Variants in SGCZ observed in about 807,000 individuals in gnomAD.
SGCZ encodes zeta-sarcoglycan.
SGCZ carries 40 observed loss-of-function variants against 41.3 expected under a neutral mutation model. The observed-to-expected ratio is 0.97, with a 90% CI of 0.75 to 1.26. The LOEUF (loss-of-function observed/expected upper bound fraction) is 1.26, where lower values mean the gene tolerates loss of function less well. Among genes scored for constraint, SGCZ ranks in the 50% most tolerant of loss-of-function variants. The pLI is 0.00. For synonymous variants in SGCZ, 206 were observed against 137.5 expected (o/e 1.50, Z -3.49); for missense variants, 552 against 369.8 (o/e 1.49, Z -4.04).
chr8:14,733,166 C>T (rs951619659), intron 1 of SGCZ, among the ~76,000 whole-genome samples: 1 of 152,114 alleles, frequency 6.6e-6, no homozygotes, highest in African/African-American at 2.4e-5. Flanking sequence ...CACTTTGAGC[C>T]ACTGCCCACC....
chr8:14,626,922 T>C (rs555566988), intron 1 of SGCZ, among the ~76,000 whole-genome samples: 90 of 152,268 alleles, frequency 5.9e-4, no homozygotes, highest in Middle Eastern at 6.8e-3. Flanking sequence ...TAGGTTGAGA[T>C]AGCACGATTT....
chr8:14,769,793 TAAAAAAAAAA>T (rs565416806), intron 1 of SGCZ, among the ~76,000 whole-genome samples: 17 of 52,204 alleles, frequency 3.3e-4, no homozygotes, highest in African/African-American at 2.1e-3. Context: ...AAAACACCAT[TAAAAAAAAAA>T]AAAAAAAAAA....
chr8:14,598,294 A>G (rs68194488), intron 1 of SGCZ, among the ~76,000 whole-genome samples: 20,900 of 151,970 alleles, frequency 0.14, 1,701 homozygotes, highest in South Asian at 0.2. Flanking sequence ...TTTGAATTTA[A>G]TGTTTTCTTG....
intron 1 of SGCZ, among the ~76,000 whole-genome samples, chr8:14,887,192 T>C (rs920904529): frequency 6.6e-6 from 1 of 152,166 alleles, no homozygotes; most frequent in Non-Finnish European, 1.5e-5. Flanking sequence ...TCACTGGAGA[T>C]ATAAATTTTA....
intron 5 of SGCZ, among the ~76,000 whole-genome samples, chr8:14,156,922 T>C (rs1005539987): frequency 8.5e-5 from 13 of 152,200 alleles, no homozygotes; most frequent in Admixed American, 3.3e-4. Context: ...GAGGATGTTC[T>C]CCAGTTAACT....
Position 14,115,522 on chromosome 8 carries a change from AT to A in SGCZ, c.548-7288del, listed in dbSNP as rs1802496529. On this transcript the variant is annotated intron_variant, in intron 5 of 7. Coordinates refer to ENST00000382080, the MANE Select transcript of SGCZ (RefSeq NM_139167.4). ...TAAATTATCTTTTTACCACCTTTAC[AT>A]AAAGTCTAGATAAGCTTTCAACGTA... 4.6e-5 allele frequency among the ~76,000 whole-genome samples: 7 copies of A among 152,142 alleles called. No homozygotes were observed. The South Asian group carries it at 1.4e-3, about 31-fold the overall frequency.
At chr8:14,647,932 C>A (rs1807276190) in intron 1 of SGCZ, among the ~76,000 whole-genome samples, 1 of 151,982 alleles carries the variant, frequency 6.6e-6, no homozygotes, top group Non-Finnish European at 1.5e-5. Flanking sequence ...CCTCCACTAT[C>A]TGGGGAGACA....
intron 2 of SGCZ, among the ~76,000 whole-genome samples, chr8:14,549,121 G>C (rs1563402447): frequency 6.6e-6 from 1 of 151,844 alleles, no homozygotes; most frequent in Non-Finnish European, 1.5e-5. Context: ...GAGTAGTATG[G>C]AAAATAGCGA....
At position 14,594,209 on chromosome 8, in the gene SGCZ, T is replaced by C. The variant is rs563681225; in HGVS notation, c.40-39283A>G. Among the ~76,000 whole-genome samples, 908 of 143,196 alleles carry C rather than the reference T, an allele frequency of 6.3e-3. 10 individuals carry two copies. Among genetic ancestry groups the C allele is most frequent in the African/African-American group, 0.021 (861 of 40,172 alleles). The allele number at this position is 143,196 out of a possible 152,430, so 93.9% of individuals were successfully genotyped here. ...ATAAATAAATAAATAAATAAATAAA[T>C]AAATAAATAAATAAATAAAATAAAA... On this transcript the variant is annotated intron_variant, in intron 1 of 7. Transcript: ENST00000382080.
chr8:14,978,064 C>T (rs1194080241), intron 1 of SGCZ, among the ~76,000 whole-genome samples: 1 of 151,910 alleles, frequency 6.6e-6, no homozygotes, highest in Non-Finnish European at 1.5e-5. Context: ...CTTTTCCTGT[C>T]GCGGCTAGGT....
chr8:14,687,983 T>G (rs1808672304), intron 1 of SGCZ, among the ~76,000 whole-genome samples: 1 of 152,210 alleles, frequency 6.6e-6, no homozygotes, highest in African/African-American at 2.4e-5. Flanking sequence ...TTTGGCTGCA[T>G]AAATGTCTTC....
chr8:14,395,393 T>C (rs573584586), intron 2 of SGCZ, among the ~76,000 whole-genome samples: 2 of 152,106 alleles, frequency 1.3e-5, no homozygotes, highest in Non-Finnish European at 2.9e-5. Context: ...ATAGGAAGTA[T>C]AGCATATTTA....
chr8:14,531,693 T>C (rs1335305556), intron 2 of SGCZ, among the ~76,000 whole-genome samples: 2 of 152,102 alleles, frequency 1.3e-5, no homozygotes, highest in Non-Finnish European at 2.9e-5. Flanking sequence ...TTCTCTCTTT[T>C]TTTCTACCCC....
At chr8:14,540,221 T>TA (rs1491274784) in intron 2 of SGCZ, among the ~76,000 whole-genome samples, 1 of 6,840 alleles carries the variant, frequency 1.5e-4, no homozygotes, top group Non-Finnish European at 2.2e-4. Context: ...CTCTGCTTAA[T>TA]TTTTTTTTTT....
At chr8:14,925,063 G>A (rs545753750) in intron 1 of SGCZ, among the ~76,000 whole-genome samples, 1 of 152,100 alleles carries the variant, frequency 6.6e-6, no homozygotes, top group African/African-American at 2.4e-5. Flanking sequence ...TCACCGTGTT[G>A]GCCAGGCTGC....
chr8:15,006,666 T>G (rs1585464465), intron 1 of SGCZ, among the ~76,000 whole-genome samples: 1 of 152,334 alleles, frequency 6.6e-6, no homozygotes, highest in East Asian at 1.9e-4. Flanking sequence ...GAACTGGTAC[T>G]ACTGGTAATC....
At chr8:14,992,737 G>A (rs1802064006) in intron 1 of SGCZ, among the ~76,000 whole-genome samples, 1 of 97,530 alleles carries the variant, frequency 1.0e-5, no homozygotes, top group Non-Finnish European at 1.8e-5. Flanking sequence ...CCCAAAACCA[G>A]TGTTCCCCCT....
At chr8:14,802,373 G>A (rs1017529485) in intron 1 of SGCZ, among the ~76,000 whole-genome samples, 2 of 152,182 alleles carry the variant, frequency 1.3e-5, no homozygotes, top group African/African-American at 2.4e-5. Flanking sequence ...GAAAACAGCT[G>A]CCTGGATAAT....
intron 1 of SGCZ, among the ~76,000 whole-genome samples, chr8:14,831,774 A>G (rs1259192342): frequency 6.6e-6 from 1 of 152,166 alleles, no homozygotes; most frequent in African/African-American, 2.4e-5. Context: ...ACATATATAC[A>G]CACACGTATA....
Sources: allele counts gnomAD v4.1 joint callset (sites outside exome capture counted in the v4.1 genomes callset), GRCh38; gene constraint gnomAD v4.1.1; transcripts MANE v1.5; gene names NCBI Gene and HGNC (gene_info 2026-07-23, HGNC 2026-07-21).